The following GEMIN8 variants were observed in gnomAD, a reference collection of about 807,000 sequenced individuals.
GEMIN8 encodes the protein gem-associated protein 8.
For synonymous variants in GEMIN8, 80 were observed against 78.5 expected, an observed-to-expected ratio of 1.02 and a Z score of -0.10; for missense variants, 185 against 205.9, an observed-to-expected ratio of 0.90 and a Z score of 0.62.
chrX:13,986,454 T>C, the GEMIN8 span, among the ~76,000 whole-genome samples: 1 of 112,508 alleles, frequency 8.9e-6, no homozygotes, highest in Non-Finnish European at 1.9e-5. Context: ...CTGTGTTTCA[T>C]GAAGTCTTCA....
At chrX:13,986,201 G>T in the GEMIN8 span, among the ~76,000 whole-genome samples, 1 of 112,440 alleles carries the variant, frequency 8.9e-6, no homozygotes, top group East Asian at 2.8e-4. Context: ...GGTGGACAGA[G>T]GATGTGAGCT....
At chrX:13,991,273 T>C in the GEMIN8 span, among the ~76,000 whole-genome samples, 1 of 112,360 alleles carries the variant, frequency 8.9e-6, no homozygotes, top group Admixed American at 9.5e-5. Context: ...GTGATTTTCC[T>C]GTTAAAAACA....
chrX:14,000,241 A>G, the GEMIN8 span, among the ~76,000 whole-genome samples: 1 of 111,237 alleles, frequency 9.0e-6, no homozygotes, highest in South Asian at 3.9e-4. Flanking sequence ...TTGAGACTCC[A>G]GTGAGCCAAG....
chrX:14,004,539 T>A (rs1388663069), downstream of GEMIN8, among the ~76,000 whole-genome samples: 1 of 112,203 alleles, frequency 8.9e-6, no homozygotes, highest in Admixed American at 9.4e-5. Flanking sequence ...AGTTCTCATC[T>A]CTCTACGTCC....
chrX:14,005,360 A>C (rs1305589110), downstream of GEMIN8, among the ~76,000 whole-genome samples: 3 of 111,744 alleles, frequency 2.7e-5, no homozygotes, highest in Admixed American at 1.9e-4. Context: ...TTAATCAATC[A>C]TGACTATGTA....
At chrX:13,984,466 T>G in the GEMIN8 span, among the ~76,000 whole-genome samples, 1 of 112,378 alleles carries the variant, frequency 8.9e-6, no homozygotes, top group East Asian at 2.8e-4. Flanking sequence ...ACAGTTTTGT[T>G]GGAACACAGT....
chrX:14,014,532 A>G (rs925374531), intron 4 of GEMIN8: 2 of 749,653 alleles, frequency 2.7e-6, no homozygotes, highest in African/African-American at 4.6e-5. Flanking sequence ...TGCACCTGTG[A>G]ATATCTGCAC....
At chrX:14,024,522 A>C (rs7054719) in intron 2 of GEMIN8, among the ~76,000 whole-genome samples, 28,180 of 109,788 alleles carry the variant, frequency 0.26, 2,721 homozygotes, top group South Asian at 0.31. Context: ...AAAACAAAAA[A>C]AAAAAGAAGA....
chrX:13,990,377 G>T, the GEMIN8 span, among the ~76,000 whole-genome samples: 2 of 112,949 alleles, frequency 1.8e-5, no homozygotes, highest in South Asian at 3.6e-4. Flanking sequence ...CAGATGTACA[G>T]CATGTACCTC....
chrX:14,008,883 A>G lies in GEMIN8; in HGVS notation c.*30T>C, dbSNP rs1404650537. The G allele has an allele frequency of 1.7e-6, 2 of 1,185,052 alleles. No individual in the cohort carries two copies. Among genetic ancestry groups the G allele is most frequent in the Non-Finnish European group, 2.3e-6 (2 of 876,142 alleles). ...AAAGAGCGTGTACCCAAAAGGAAGA[A>G]GGAGAGGCTGGGTACCCTGTGCCCT... On this transcript the variant is annotated 3_prime_UTR_variant, in exon 5 of 5. Transcript: ENST00000680255.
chrX:13,986,892 A>ATT, the GEMIN8 span, among the ~76,000 whole-genome samples: 4 of 112,782 alleles, frequency 3.5e-5, no homozygotes, highest in Admixed American at 9.4e-5. Flanking sequence ...GCCAACCAAC[A>ATT]AGAAAGTATT....
downstream of GEMIN8, among the ~76,000 whole-genome samples, chrX:14,001,961 A>G (rs1259268468): frequency 9.2e-6 from 1 of 108,755 alleles, no homozygotes; most frequent in Non-Finnish European, 1.9e-5. Context: ...CGTCTGTACT[A>G]AACATACAAA....
chrX:14,014,075 A>G (rs999784821), intron 4 of GEMIN8: 1 of 748,253 alleles, frequency 1.3e-6, no homozygotes, highest in African/African-American at 2.3e-5. Flanking sequence ...CTTATATAGC[A>G]GGAAAACTTT....
intron 4 of GEMIN8, among the ~76,000 whole-genome samples, chrX:14,011,514 CTCTTTTTTTTTTT>C (rs1923536068): frequency 1.2e-5 from 1 of 82,051 alleles, no homozygotes; most frequent in African/African-American, 5.6e-5. Context: ...TCCTATGGCT[CTCTTTTTTTTTTT>C]TTTTTTTTTT....
intron 4 of GEMIN8, chrX:14,013,910 A>G (rs1360469333): frequency 1.4e-6 from 1 of 710,621 alleles, no homozygotes; most frequent in Non-Finnish European, 1.7e-6. Flanking sequence ...ATTATTAAGG[A>G]AAAGCTTTAC....
intron 4 of GEMIN8, among the ~76,000 whole-genome samples, chrX:14,009,536 G>C (rs1923390994): frequency 9.1e-6 from 1 of 110,461 alleles, no homozygotes; most frequent in Admixed American, 9.7e-5. Context: ...GACAAAGCCA[G>C]ACCCGGTGTC....
At chrX:13,986,482 C>T in the GEMIN8 span, among the ~76,000 whole-genome samples, 16 of 112,486 alleles carry the variant, frequency 1.4e-4, no homozygotes, top group African/African-American at 5.2e-4. Flanking sequence ...ACACTCTTCT[C>T]GTCTCAATGC....
intron 1 of GEMIN8, among the ~76,000 whole-genome samples, chrX:14,026,567 T>C (rs933841720): frequency 2.4e-4 from 27 of 112,476 alleles, no homozygotes; most frequent in African/African-American, 7.7e-4. Flanking sequence ...CAAAGAACAA[T>C]AGATAAGAGC....
At chrX:14,018,763 TTTC>T (rs1924103760) in intron 4 of GEMIN8, among the ~76,000 whole-genome samples, 1 of 107,272 alleles carries the variant, frequency 9.3e-6, no homozygotes, top group African/African-American at 3.4e-5. Context: ...TTTCTTTTCT[TTTC>T]TTTTTTTTTT....
Sources: allele counts gnomAD v4.1 joint callset (sites outside exome capture counted in the v4.1 genomes callset), GRCh38; gene constraint gnomAD v4.1.1; transcripts MANE v1.5; gene names NCBI Gene and HGNC (gene_info 2026-07-23, HGNC 2026-07-21).